Variants in DAAM1 observed in about 807,000 individuals in gnomAD.
DAAM1 encodes dishevelled associated activator of morphogenesis 1, also known as disheveled-associated activator of morphogenesis 1.
In DAAM1, 52 loss-of-function variants were observed where a neutral mutation model predicts 130.0. The ratio of observed to expected loss-of-function variants is 0.40; its 90% CI spans 0.32 to 0.50. DAAM1 has a LOEUF of 0.50. DAAM1 is among the 20% of genes least tolerant of loss of function. DAAM1 has a pLI of 0.61. For synonymous variants in DAAM1, 452 were observed against 444.5 expected (o/e 1.02, Z -0.21); for missense variants, 1,134 against 1,303.8 (o/e 0.87, Z 2.01).
chr14:59,201,402 C>G (rs1014985016), intron 1 of DAAM1, among the ~76,000 whole-genome samples: 1 of 151,784 alleles, frequency 6.6e-6, no homozygotes, highest in Non-Finnish European at 1.5e-5. Flanking sequence ...GTGGGTGGAC[C>G]ACCTGAGGTC....
intron 23 of DAAM1, among the ~76,000 whole-genome samples, chr14:59,367,011 G>A (rs1433390247): frequency 2.0e-5 from 3 of 151,772 alleles, no homozygotes; most frequent in African/African-American, 4.8e-5. Context: ...AAAAACTGCC[G>A]GGTGTGGTGG....
chr14:59,291,312 A>G lies in DAAM1; in HGVS notation c.273+6A>G. On this transcript the variant is annotated splice_donor_region_variant and intron_variant, in intron 3 of 24. Coordinates refer to ENST00000360909, the MANE Select transcript of DAAM1 (RefSeq NM_001270520.2). ...TATACTGTAGCAAGAAAAAGGTAAG[A>G]TTTTCATTGTGATTATGGTTAACTG... 1.9e-6 allele frequency: 3 copies of G among 1,592,556 alleles called. No individual in the cohort carries two copies. The highest frequency in any genetic ancestry group is 2.6e-6 in the Non-Finnish European group (3 of 1,169,342).
chr14:59,309,713 G>A (rs960907581), intron 3 of DAAM1, among the ~76,000 whole-genome samples: 1 of 152,176 alleles, frequency 6.6e-6, no homozygotes, highest in Non-Finnish European at 1.5e-5. Context: ...GGAAAAGTTT[G>A]CGACCCTTGG....
chr14:59,232,863 G>C (rs1390807492), intron 1 of DAAM1, among the ~76,000 whole-genome samples: 1 of 151,864 alleles, frequency 6.6e-6, no homozygotes, highest in African/African-American at 2.4e-5. Context: ...TCATTGCTCA[G>C]CTCCCACTTA....
intron 12 of DAAM1, among the ~76,000 whole-genome samples, chr14:59,330,183 G>C (rs531336293): frequency 6.6e-6 from 1 of 152,308 alleles, no homozygotes; most frequent in Non-Finnish European, 1.5e-5. Flanking sequence ...ACAAGATTCT[G>C]AATCAACTAC....
intron 1 of DAAM1, among the ~76,000 whole-genome samples, chr14:59,242,080 A>C (rs1466677446): frequency 1.3e-5 from 2 of 152,222 alleles, no homozygotes; most frequent in Non-Finnish European, 2.9e-5. Context: ...TTAAGGATAA[A>C]CAGGTTCAAA....
intron 1 of DAAM1, among the ~76,000 whole-genome samples, chr14:59,220,210 T>G (rs1028875151): frequency 3.3e-5 from 5 of 152,174 alleles, no homozygotes; most frequent in Non-Finnish European, 7.3e-5. Context: ...GTCAGAGAAT[T>G]GGCGGCTCTA....
intron 16 of DAAM1, among the ~76,000 whole-genome samples, chr14:59,343,366 TGAA>T (rs1885926632): frequency 6.6e-6 from 1 of 152,278 alleles, no homozygotes; most frequent in Non-Finnish European, 1.5e-5. Flanking sequence ...TGGAGAGAGA[TGAA>T]GAAGCCCTTG....
At chr14:59,299,435 G>A (rs2139579406) in intron 3 of DAAM1, among the ~76,000 whole-genome samples, 1 of 152,250 alleles carries the variant, frequency 6.6e-6, no homozygotes, top group South Asian at 2.1e-4. Flanking sequence ...GAGCTTGGAG[G>A]CATGGTAACA....
intron 15 of DAAM1, among the ~76,000 whole-genome samples, chr14:59,332,309 T>C (rs1330287341): frequency 6.6e-6 from 1 of 152,212 alleles, no homozygotes; most frequent in Non-Finnish European, 1.5e-5. Context: ...TAAAAATACA[T>C]ATCAAATGGT....
Position 59,286,406 on chromosome 14 carries a change from G to A in DAAM1, c.184-4811G>A, listed in dbSNP as rs557792114. ...AGCAAGTCAACTCCAAAGCTAGCAG[G>A]AGAAAAGAAATAACCAAAATCAGAG... is the stretch of plus-strand genomic sequence containing the variant. On this transcript the variant is annotated intron_variant, in intron 2 of 24. Coordinates refer to ENST00000360909, the MANE Select transcript of DAAM1 (RefSeq NM_001270520.2). Among the ~76,000 whole-genome samples, 7 of 152,030 alleles carry A rather than the reference G, an allele frequency of 4.6e-5. No individual in the cohort carries two copies. In the South Asian group the frequency reaches 1.5e-3, roughly 32 times the overall value.
chr14:59,322,785 C>A, intron 5 of DAAM1, 107 bp from the exon 6 acceptor site: 1 of 898,774 alleles, frequency 1.1e-6, no homozygotes, highest in Non-Finnish European at 1.7e-6. Flanking sequence ...AGCCTTTTGG[C>A]ACTTTAGGAA....
chr14:59,267,873 T>C (rs1480399998), intron 2 of DAAM1, among the ~76,000 whole-genome samples: 1 of 150,986 alleles, frequency 6.6e-6, no homozygotes, highest in Admixed American at 6.6e-5. Flanking sequence ...TGCCTAATAA[T>C]ATTCCATTAT....
At chr14:59,208,936 G>A (rs1322659226) in intron 1 of DAAM1, among the ~76,000 whole-genome samples, 1 of 152,160 alleles carries the variant, frequency 6.6e-6, no homozygotes, top group Non-Finnish European at 1.5e-5. Context: ...ACCTTCTGCT[G>A]TGATTGTAAG....
At chr14:59,321,990 C>T (rs914049424) in intron 5 of DAAM1, among the ~76,000 whole-genome samples, 3 of 151,964 alleles carry the variant, frequency 2.0e-5, no homozygotes, top group South Asian at 2.1e-4. Flanking sequence ...ATATTAATAA[C>T]GTTAGTATGC....
At chr14:59,266,594 T>C (rs1028405975) in intron 2 of DAAM1, among the ~76,000 whole-genome samples, 1 of 152,258 alleles carries the variant, frequency 6.6e-6, no homozygotes, top group Admixed American at 6.5e-5. Context: ...ACAAATTATC[T>C]TGAGGTTTGT....
chr14:59,238,328 A>T (rs567187153), intron 1 of DAAM1, among the ~76,000 whole-genome samples: 2 of 152,248 alleles, frequency 1.3e-5, no homozygotes, highest in Non-Finnish European at 2.9e-5. Context: ...GTCTGAGATC[A>T]TCCTAATTGG....
intron 1 of DAAM1, among the ~76,000 whole-genome samples, chr14:59,262,998 A>G (rs1594786263): frequency 6.6e-6 from 1 of 152,322 alleles, no homozygotes; most frequent in African/African-American, 2.4e-5. Flanking sequence ...CATATATGTT[A>G]TTCTATTTAG....
intron 1 of DAAM1, among the ~76,000 whole-genome samples, chr14:59,230,880 A>C (rs975481090): frequency 2.6e-4 from 40 of 152,268 alleles, no homozygotes; most frequent in African/African-American, 8.7e-4. Context: ...CATAAAAATT[A>C]AAAATAAAAA....
Sources: gnomAD v4.1 joint callset for allele counts (sites outside exome capture counted in the v4.1 genomes callset) on GRCh38, gnomAD v4.1.1 for gene constraint, MANE v1.5 for transcripts, NCBI Gene and HGNC (gene_info 2026-07-23, HGNC 2026-07-21) for gene names.